The following GPC6 variants were observed in gnomAD, a reference collection of about 807,000 sequenced individuals.
The protein encoded by GPC6 is glypican 6.
GPC6 carries 14 observed loss-of-function variants against 55.2 expected under a neutral mutation model. The observed-to-expected ratio is 0.25, with a 90% CI of 0.17 to 0.40. The LOEUF (loss-of-function observed/expected upper bound fraction) is 0.40, where lower values mean the gene tolerates loss of function less well. Ranked by LOEUF, GPC6 falls within the 10% of genes least tolerant of loss-of-function variation. The probability of loss-of-function intolerance (pLI) is 1.00; values close to 1 mark genes in which losing one functional copy is unlikely to be tolerated. For missense variants in GPC6, 641 were observed against 708.5 expected, an observed-to-expected ratio of 0.90 and a Z score of 1.08; for synonymous variants, 278 against 259.6, an observed-to-expected ratio of 1.07 and a Z score of -0.68.
intron 6 of GPC6, among the ~76,000 whole-genome samples, chr13:94,328,837 G>A (rs4773786): frequency 0.071 from 10,870 of 152,178 alleles, 843 homozygotes; most frequent in East Asian, 0.35. Flanking sequence ...TGTGACCTTC[G>A]ACAGGTCACT....
chr13:93,284,200 A>G (rs1878038713), intron 1 of GPC6, among the ~76,000 whole-genome samples: 1 of 152,194 alleles, frequency 6.6e-6, no homozygotes, highest in South Asian at 2.1e-4. Flanking sequence ...AGAAAATAAC[A>G]GGGGCACTGA....
At chr13:94,309,916 T>G (rs1876150785) in intron 6 of GPC6, among the ~76,000 whole-genome samples, 1 of 152,348 alleles carries the variant, frequency 6.6e-6, no homozygotes, top group African/African-American at 2.4e-5. Context: ...TTGTTTGTAC[T>G]CAGGAAGAGA....
chr13:93,882,573 T>G (rs1180012773), intron 3 of GPC6, among the ~76,000 whole-genome samples: 5 of 152,152 alleles, frequency 3.3e-5, no homozygotes, highest in Admixed American at 2.0e-4. Flanking sequence ...GTTGATTTTT[T>G]TTTAATTTGT....
intron 1 of GPC6, among the ~76,000 whole-genome samples, chr13:93,331,028 A>C (rs1168006953): frequency 1.3e-5 from 2 of 152,076 alleles, no homozygotes; most frequent in African/African-American, 4.8e-5. Flanking sequence ...TAACTATTTG[A>C]TGGGATTCAT....
chr13:93,638,369 T>C (rs1337801211), intron 2 of GPC6, among the ~76,000 whole-genome samples: 1 of 152,144 alleles, frequency 6.6e-6, no homozygotes. Context: ...CAATAGACTG[T>C]TAAATTTATA....
rs572884730 is a variant in GPC6, at chr13:93,607,212, A to T, written c.319+61791A>T. 3.9e-4 allele frequency among the ~76,000 whole-genome samples: 59 copies of T among 152,316 alleles called. 1 individual carries two copies. The highest frequency in any genetic ancestry group is 1.4e-3 in the African/African-American group (58 of 41,566). ...TTATTCGGATATGACATCTGAATAC[A>T]ATGTCTACTTTTATATGACTGTTAC... On this transcript the variant is annotated intron_variant, in intron 2 of 8. Coordinates refer to ENST00000377047, the MANE Select transcript of GPC6 (RefSeq NM_005708.5).
intron 4 of GPC6, among the ~76,000 whole-genome samples, chr13:94,101,285 T>A (rs1342207002): frequency 6.6e-6 from 1 of 152,186 alleles, no homozygotes; most frequent in East Asian, 1.9e-4. Flanking sequence ...CAACAGTAAA[T>A]GTTTGCACCA....
intron 6 of GPC6, among the ~76,000 whole-genome samples, chr13:94,363,308 G>C (rs982372180): frequency 6.6e-6 from 1 of 152,128 alleles, no homozygotes; most frequent in Non-Finnish European, 1.5e-5. Context: ...TTTGATGGCT[G>C]TCACAAAGCT....
intron 6 of GPC6, among the ~76,000 whole-genome samples, chr13:94,333,807 T>C (rs1877544817): frequency 1.3e-5 from 2 of 152,090 alleles, no homozygotes; most frequent in Non-Finnish European, 1.5e-5. Context: ...AGGCTGCTCA[T>C]GTGTAGGGGA....
chr13:93,716,355 A>G (rs998709322), intron 2 of GPC6, among the ~76,000 whole-genome samples: 15 of 151,758 alleles, frequency 9.9e-5, no homozygotes, highest in Non-Finnish European at 1.9e-4. Flanking sequence ...GGACCGCTTC[A>G]TGCCAGCTTC....
At chr13:93,928,912 G>T (rs1349533188) in intron 3 of GPC6, among the ~76,000 whole-genome samples, 2 of 84,808 alleles carry the variant, frequency 2.4e-5, no homozygotes, top group African/African-American at 9.5e-5. Flanking sequence ...GTAGGTGTGT[G>T]TGTGTACATA....
intron 3 of GPC6, among the ~76,000 whole-genome samples, chr13:93,942,166 T>C (rs1878770069): frequency 6.6e-6 from 1 of 152,202 alleles, no homozygotes; most frequent in Non-Finnish European, 1.5e-5. Context: ...CAAAGAGTAA[T>C]ATGCTAACTG....
chr13:93,322,752 T>C (rs1028028498), intron 1 of GPC6, among the ~76,000 whole-genome samples: 1 of 152,178 alleles, frequency 6.6e-6, no homozygotes, highest in East Asian at 1.9e-4. Flanking sequence ...AGTTAATTAT[T>C]TTGTTGTTCT....
In GPC6 at chr13:94,042,818, T is replaced by C. The variant is rs1335487030; in HGVS notation, c.877+14924T>C. On this transcript the variant is annotated intron_variant, in intron 4 of 8. Transcript: ENST00000377047. ...GCCTGTAGCAGCTATTACTGTAGTA[T>C]TTGCATACTGGTGATTTTATATTTC... 3.3e-5 allele frequency among the ~76,000 whole-genome samples: 5 copies of C among 151,940 alleles called. No homozygotes were observed. In the East Asian group the frequency reaches 9.7e-4, roughly 29 times the overall value.
At chr13:94,351,552 T>C (rs1878543184) in intron 6 of GPC6, among the ~76,000 whole-genome samples, 1 of 152,008 alleles carries the variant, frequency 6.6e-6, no homozygotes, top group Non-Finnish European at 1.5e-5. Flanking sequence ...AACCACAATC[T>C]TCTCTGAGAA....
chr13:93,367,568 A>G (rs977947180), intron 1 of GPC6, among the ~76,000 whole-genome samples: 1 of 151,964 alleles, frequency 6.6e-6, no homozygotes, highest in Non-Finnish European at 1.5e-5. Context: ...TTTTCAGTGT[A>G]TGCATTTCCT....
chr13:94,152,267 A>C (rs1887767804), intron 4 of GPC6, among the ~76,000 whole-genome samples: 1 of 152,186 alleles, frequency 6.6e-6, no homozygotes, highest in Admixed American at 6.6e-5. Context: ...GGATGTCCAA[A>C]GTTCTTGACT....
intron 2 of GPC6, among the ~76,000 whole-genome samples, chr13:93,779,061 T>C (rs1885555156): frequency 6.6e-6 from 1 of 152,258 alleles, no homozygotes; most frequent in South Asian, 2.1e-4. Context: ...TATCCTTTTA[T>C]ATTTTAAAAA....
chr13:93,724,843 A>G (rs1484414937), intron 2 of GPC6, among the ~76,000 whole-genome samples: 1 of 152,032 alleles, frequency 6.6e-6, no homozygotes, highest in Non-Finnish European at 1.5e-5. Context: ...AGTATGATGA[A>G]AATCCATCCC....
Sources: allele counts gnomAD v4.1 joint callset (sites outside exome capture counted in the v4.1 genomes callset), GRCh38; gene constraint gnomAD v4.1.1; transcripts MANE v1.5; gene names NCBI Gene and HGNC (gene_info 2026-07-23, HGNC 2026-07-21).